Variants in RABGAP1L observed in about 807,000 individuals in gnomAD.
The protein encoded by RABGAP1L is rab GTPase-activating protein 1-like.
A neutral mutation model predicts 137.7 loss-of-function variants in RABGAP1L; 63 were observed. The ratio of observed to expected loss-of-function variants is 0.46; its 90% CI spans 0.37 to 0.56. The LOEUF is 0.56. RABGAP1L is among the 20% of genes least tolerant of loss of function. The pLI is 0.00. For missense variants in RABGAP1L, 1,095 were observed against 1,244.0 expected, an observed-to-expected ratio of 0.88 and a Z score of 1.80; for synonymous variants, 431 against 433.7, an observed-to-expected ratio of 0.99 and a Z score of 0.08.
chr1:174,885,305 AAATT>A (rs1387101768), intron 19 of RABGAP1L, among the ~76,000 whole-genome samples: 3 of 152,250 alleles, frequency 2.0e-5, no homozygotes, highest in Non-Finnish European at 2.9e-5. Flanking sequence ...GCACTTAAGA[AAATT>A]AATTGTCAAT....
intron 13 of RABGAP1L, among the ~76,000 whole-genome samples, chr1:174,409,244 T>C (rs1352220606): frequency 1.3e-5 from 2 of 152,206 alleles, no homozygotes; most frequent in African/African-American, 4.8e-5. Flanking sequence ...CCAAAATTAA[T>C]ACTTTTATAA....
chr1:174,945,915 T>G (rs1170485467), intron 19 of RABGAP1L: 1 of 152,114 alleles, frequency 6.6e-6, no homozygotes, highest in Non-Finnish European at 1.5e-5. Flanking sequence ...AGGAAAAATA[T>G]ATTATTTTCA....
At chr1:174,656,286 C>T (rs1417381262) in intron 14 of RABGAP1L, among the ~76,000 whole-genome samples, 3 of 152,104 alleles carry the variant, frequency 2.0e-5, no homozygotes, top group Non-Finnish European at 2.9e-5. Flanking sequence ...GGTGAAACTC[C>T]GTCTCTACTA....
At chr1:174,842,038 C>T (rs1432202793) in intron 19 of RABGAP1L, among the ~76,000 whole-genome samples, 2 of 151,860 alleles carry the variant, frequency 1.3e-5, no homozygotes, top group Admixed American at 1.3e-4. Context: ...TTTTAAAATG[C>T]GTTTTATATT....
chr1:174,252,536 A>C lies in RABGAP1L; in HGVS notation c.932A>C (p.Lys311Thr). The C allele has an allele frequency of 6.2e-7, 1 of 1,613,312 alleles. No individual in the cohort carries two copies. Among genetic ancestry groups the C allele is most frequent in the Non-Finnish European group, 8.5e-7 (1 of 1,179,724 alleles). ...FYFKLKQGIE[K>T]KVVITVQQLS... Reference sequence around the variant, plus strand: ...TTCAAATTAAAGCAAGGAATAGAGAAGAAGGTTGTGATTACAGTGCAGCAA... The same window carrying C: ...TTCAAATTAAAGCAAGGAATAGAGACGAAGGTTGTGATTACAGTGCAGCAA... Residue 311 changes from lysine (K) to threonine (T), a missense_variant, in exon 7 of 26, where the codon AAG becomes ACG. Around this residue, in one of 4 missense-constraint regions of RABGAP1L, gnomAD observed 112 missense variants for 157.3 expected, o/e 0.71. Transcript: ENST00000681986.
At chr1:174,870,904 A>T (rs1476049720) in intron 19 of RABGAP1L, among the ~76,000 whole-genome samples, 1 of 151,500 alleles carries the variant, frequency 6.6e-6, no homozygotes, top group Non-Finnish European at 1.5e-5. Flanking sequence ...CACCCGGCTA[A>T]TTTTTTTTAT....
chr1:174,317,396 G>A lies in RABGAP1L; in HGVS notation c.1465+12269G>A, dbSNP rs571429646. 1.8e-3 allele frequency among the ~76,000 whole-genome samples: 274 copies of A among 152,148 alleles called. 2 individuals are homozygous for A. The highest frequency in any genetic ancestry group is 6.3e-3 in the African/African-American group (260 of 41,518). ...CTGGGATTGGGTTTTTTCCTTCAAG[G>A]CAGTGGGTTCCCTTTTGGCTCAGGT... On this transcript the variant is annotated intron_variant, in intron 11 of 25. Coordinates refer to ENST00000681986, the MANE Select transcript of RABGAP1L (RefSeq NM_001366446.1).
chr1:174,899,490 G>C (rs1394497475), intron 19 of RABGAP1L, among the ~76,000 whole-genome samples: 1 of 152,230 alleles, frequency 6.6e-6, no homozygotes, highest in Middle Eastern at 3.4e-3. Context: ...CAATTCATTT[G>C]ATCTTCCTAG....
At chr1:174,248,344 G>A (rs1672434800) in intron 5 of RABGAP1L, among the ~76,000 whole-genome samples, 1 of 152,162 alleles carries the variant, frequency 6.6e-6, no homozygotes, top group Non-Finnish European at 1.5e-5. Flanking sequence ...TTTGTTGAAT[G>A]AATGAGTTTA....
intron 19 of RABGAP1L, among the ~76,000 whole-genome samples, chr1:174,937,375 C>T (rs912853185): frequency 3.3e-5 from 5 of 151,074 alleles, no homozygotes; most frequent in African/African-American, 1.2e-4. Flanking sequence ...ACCTCTGCCT[C>T]CCTGGTTCAG....
At chr1:174,384,142 G>A (rs923922759) in intron 12 of RABGAP1L, among the ~76,000 whole-genome samples, 6 of 152,174 alleles carry the variant, frequency 3.9e-5, no homozygotes, top group Admixed American at 2.0e-4. Context: ...GATCTCAAGT[G>A]CATCATGTTA....
intron 10 of RABGAP1L, among the ~76,000 whole-genome samples, chr1:174,290,564 G>T (rs1376844035): frequency 4.6e-5 from 7 of 152,084 alleles, no homozygotes; most frequent in Non-Finnish European, 7.4e-5. Context: ...CTGTGATGGG[G>T]ACTAGAGCTT....
intron 14 of RABGAP1L, among the ~76,000 whole-genome samples, chr1:174,650,998 T>A (rs992709972): frequency 1.3e-5 from 2 of 150,282 alleles, no homozygotes; most frequent in Admixed American, 6.6e-5. Flanking sequence ...CTCTACACAC[T>A]GCTTTGAATG....
Position 174,962,208 on chromosome 1 carries a change from C to A in RABGAP1L, c.2433+4659C>A, listed in dbSNP as rs1024453449. 3.7e-4 allele frequency among the ~76,000 whole-genome samples: 49 copies of A among 131,976 alleles called. 4 individuals carry two copies. Among genetic ancestry groups the A allele is most frequent in the East Asian group, 5.2e-4 (2 of 3,824 alleles). 86.6% of individuals were successfully genotyped at this position (131,976 alleles called of 152,430 possible). A position where few individuals can be genotyped will look rare whatever the true frequency, so the allele number is the denominator to read the frequency against. ...AAAATAAAAATACACCCCCCCCCCA[C>A]ACACACACACAGCTAGTTAATTAAA... On this transcript the variant is annotated intron_variant, in intron 20 of 25. Coordinates refer to ENST00000681986, the MANE Select transcript of RABGAP1L (RefSeq NM_001366446.1).
At chr1:174,778,769 T>C (rs528544956) in intron 18 of RABGAP1L, among the ~76,000 whole-genome samples, 2 of 152,220 alleles carry the variant, frequency 1.3e-5, no homozygotes, top group South Asian at 2.1e-4. Flanking sequence ...TAATTTTTTG[T>C]ATTTTTAGTA....
chr1:174,821,455 A>G (rs1691015353), intron 19 of RABGAP1L, among the ~76,000 whole-genome samples: 1 of 152,132 alleles, frequency 6.6e-6, no homozygotes, highest in African/African-American at 2.4e-5. Flanking sequence ...TACTCTCCCA[A>G]AGTTGCAAAT....
At chr1:174,925,890 T>TTTTG (rs1662750418) in intron 19 of RABGAP1L, among the ~76,000 whole-genome samples, 1 of 88,726 alleles carries the variant, frequency 1.1e-5, no homozygotes, top group African/African-American at 3.1e-5. Context: ...TTTTTTTGTG[T>TTTTG]TTTTTTTTTT....
In RABGAP1L at chr1:174,475,772, TAAAA is replaced by T. The variant is rs61597461; in HGVS notation, c.1710+81650_1710+81653del. Among the ~76,000 whole-genome samples the T allele has an allele frequency of 1.9e-4, 13 of 69,934 alleles. No homozygotes were observed. The East Asian group carries it at 5.4e-3, about 29-fold the overall frequency. The allele number at this position is 69,934 out of a possible 152,430, so 45.9% of individuals were successfully genotyped here. A position where few individuals can be genotyped will look rare whatever the true frequency, so the allele number is the denominator to read the frequency against. ...AGTGACAGACTGAGACCCCGTGTCT[TAAAA>T]AAAAAAAAAAAAAAAAAAAAAAGGT... On this transcript the variant is annotated intron_variant, in intron 13 of 25. Coordinates refer to ENST00000681986, the MANE Select transcript of RABGAP1L (RefSeq NM_001366446.1).
At chr1:174,686,343 G>A (rs1372867646) in intron 15 of RABGAP1L, among the ~76,000 whole-genome samples, 1 of 152,090 alleles carries the variant, frequency 6.6e-6, no homozygotes, top group East Asian at 1.9e-4. Flanking sequence ...GTTTATGACA[G>A]TTTCTGTCTT....
Sources: allele counts gnomAD v4.1 joint callset (sites outside exome capture counted in the v4.1 genomes callset), GRCh38; gene constraint gnomAD v4.1.1; regional missense constraint gnomAD v4.1.1; transcripts MANE v1.5; gene names NCBI Gene and HGNC (gene_info 2026-07-23, HGNC 2026-07-21).